The following PVT1 variants were observed in gnomAD, a reference collection of about 807,000 sequenced individuals.
The protein encoded by PVT1 is Pvt1 oncogene, also known as CXCR4/PVT1 fusion.
chr8:127,882,917 A>T (rs980547260), intron 2 of PVT1, among the ~76,000 whole-genome samples: 1 of 152,110 alleles, frequency 6.6e-6, no homozygotes, highest in Non-Finnish European at 1.5e-5. Flanking sequence ...GTTATAATTA[A>T]CATCCTCTGA....
chr8:127,826,223 G>A (rs1814787483), intron 2 of PVT1, among the ~76,000 whole-genome samples: 1 of 151,724 alleles, frequency 6.6e-6, no homozygotes. Context: ...TCAGGATCTT[G>A]GTTTTGTTTT....
At position 127,958,701 on chromosome 8, in the gene PVT1, G is replaced by C. The variant is rs1563650345; in HGVS notation, n.783-30461G>C. 2.0e-5 allele frequency among the ~76,000 whole-genome samples: 3 copies of C among 152,168 alleles called. No individual in the cohort carries two copies. The South Asian group carries it at 6.2e-4, about 32-fold the overall frequency. On this transcript the variant is annotated intron_variant and non_coding_transcript_variant, in intron 3 of 10. Coordinates refer to ENST00000651587, the Ensembl canonical transcript of PVT1. ...AGTGATTTAGGATTCCAAGTCCAAG[G>C]CTCAAAGTGTGACTTGACAGCTGCA...
intron 2 of PVT1, among the ~76,000 whole-genome samples, chr8:127,861,027 G>A (rs1488864303): frequency 7.2e-5 from 11 of 152,132 alleles, no homozygotes; most frequent in Admixed American, 7.2e-4. Context: ...CTGATATCGT[G>A]TTGCCTTGGA....
intron 2 of PVT1, among the ~76,000 whole-genome samples, chr8:127,801,877 G>A (rs1245322376): frequency 6.7e-6 from 1 of 148,954 alleles, no homozygotes; most frequent in Non-Finnish European, 1.5e-5. Flanking sequence ...AGTGAGAAGA[G>A]TAAGATATCT....
At chr8:128,018,196 G>C (rs1052725842) in intron 4 of PVT1, among the ~76,000 whole-genome samples, 45 of 152,172 alleles carry the variant, frequency 3.0e-4, no homozygotes, top group Non-Finnish European at 1.5e-5. Context: ...ATGGGGAAAA[G>C]GGACAGGATG....
At chr8:127,989,050 A>G (rs1586469778) in intron 3 of PVT1, 1 of 152,330 alleles carries the variant, frequency 6.6e-6, no homozygotes, top group East Asian at 1.9e-4. Context: ...CTCCTCATTC[A>G]GTGTATAGTA....
intron 5 of PVT1, among the ~76,000 whole-genome samples, chr8:128,077,408 T>C (rs1814104917): frequency 6.6e-6 from 1 of 152,166 alleles, no homozygotes; most frequent in Admixed American, 6.5e-5. Flanking sequence ...CCTAACCTGC[T>C]TGGGCTTCAG....
rs192477158 is a variant in PVT1, at chr8:128,011,232, C to A, written n.912+21941C>A. Among the ~76,000 whole-genome samples, 43 of 152,294 alleles carry A rather than the reference C, an allele frequency of 2.8e-4. 2 individuals carry two copies. The highest frequency in any genetic ancestry group is 2.6e-3 in the Admixed American group (40 of 15,302). The stretch of plus-strand genomic sequence containing the variant: ...GTGGGTACTTAGTCAATGTCTCAAT[C>A]AGATTTGCTTCTGTTTAGCAAGATA... On this transcript the variant is annotated intron_variant and non_coding_transcript_variant, in intron 4 of 10. Transcript: ENST00000651587.
intron 3 of PVT1, among the ~76,000 whole-genome samples, chr8:127,971,965 C>A (rs535326253): frequency 6.6e-5 from 10 of 152,288 alleles, no homozygotes; most frequent in African/African-American, 2.4e-4. Context: ...CCCAGCAAGC[C>A]CCTCCTCTAC....
intron 2 of PVT1, among the ~76,000 whole-genome samples, chr8:127,819,583 T>C (rs1209332362): frequency 1.3e-5 from 2 of 152,206 alleles, no homozygotes; most frequent in Non-Finnish European, 2.9e-5. Flanking sequence ...AGAGGTGATC[T>C]CTTCCTCCAG....
intron 3 of PVT1, among the ~76,000 whole-genome samples, chr8:127,976,318 T>C (rs1461804288): frequency 6.6e-6 from 1 of 152,220 alleles, no homozygotes; most frequent in African/African-American, 2.4e-5. Flanking sequence ...GATGAGTTCC[T>C]TGCTTTCTTG....
intron 5 of PVT1, among the ~76,000 whole-genome samples, chr8:128,096,312 G>C (rs978657899): frequency 2.6e-5 from 4 of 152,122 alleles, no homozygotes; most frequent in African/African-American, 9.7e-5. Context: ...TGATGGGCAG[G>C]GCCCACAGTT....
At chr8:128,070,007 A>G (rs1475775613) in intron 4 of PVT1, among the ~76,000 whole-genome samples, 1 of 151,590 alleles carries the variant, frequency 6.6e-6, no homozygotes. Flanking sequence ...ATAGGCAGCC[A>G]CTCCAGTGTG....
chr8:127,837,336 C>T lies in PVT1; in HGVS notation n.372+41265C>T, dbSNP rs73355211. The stretch of plus-strand genomic sequence containing the variant: ...AACCTGTAAAAGGAAAAAAGAAGGC[C>T]GGGGGTGGGCCTCAGCTGCTGCCAC... On this transcript the variant is annotated intron_variant and non_coding_transcript_variant, in intron 2 of 10. Transcript: ENST00000651587. Among the ~76,000 whole-genome samples, 1,107 of 151,674 alleles carry T rather than the reference C, an allele frequency of 7.3e-3. 19 individuals carry two copies. Among genetic ancestry groups the T allele is most frequent in the African/African-American group, 0.025 (1,034 of 41,336 alleles).
chr8:127,796,877 C>CT (rs34435526), intron 2 of PVT1, among the ~76,000 whole-genome samples: 49,054 of 121,064 alleles, frequency 0.41, 11,053 homozygotes, highest in Non-Finnish European at 0.5. Flanking sequence ...TCTTGTTTTG[C>CT]TTTTTTTTTT....
At chr8:127,961,759 A>G (rs948278094) in intron 3 of PVT1, among the ~76,000 whole-genome samples, 3 of 152,254 alleles carry the variant, frequency 2.0e-5, no homozygotes, top group Non-Finnish European at 4.4e-5. Context: ...GTTTCCTTCC[A>G]TGGTGTTCCT....
intron 4 of PVT1, among the ~76,000 whole-genome samples, chr8:128,022,328 A>C (rs1449139070): frequency 6.6e-6 from 1 of 152,216 alleles, no homozygotes; most frequent in East Asian, 1.9e-4. Flanking sequence ...GGAAAGTTGC[A>C]TTCTTCTCTG....
At chr8:127,997,599 CTT>C (rs1302444041) in intron 4 of PVT1, among the ~76,000 whole-genome samples, 3 of 152,198 alleles carry the variant, frequency 2.0e-5, no homozygotes, top group Admixed American at 6.5e-5. Context: ...CCTCCAGACA[CTT>C]TTAAAGAATA....
intron 2 of PVT1, among the ~76,000 whole-genome samples, chr8:127,830,596 A>G (rs1479741039): frequency 6.6e-6 from 1 of 152,154 alleles, no homozygotes; most frequent in African/African-American, 2.4e-5. Flanking sequence ...AATGACTCCT[A>G]CGAGTCAGGC....
Sources: allele counts gnomAD v4.1 joint callset (sites outside exome capture counted in the v4.1 genomes callset), GRCh38; gene constraint gnomAD v4.1.1; transcripts MANE v1.5; gene names NCBI Gene and HGNC (gene_info 2026-07-23, HGNC 2026-07-21).